Variants in KIF5A observed in about 807,000 individuals in gnomAD.
The protein encoded by KIF5A is kinesin family member 5A.
A neutral mutation model predicts 141.3 loss-of-function variants in KIF5A; 35 were observed. The observed-to-expected ratio is 0.25, with a 90% confidence interval of 0.19 to 0.33. The LOEUF is 0.33. KIF5A is among the 10% of genes least tolerant of loss of function. The probability of loss-of-function intolerance (pLI) is 1.00; values close to 1 mark genes in which losing one functional copy is unlikely to be tolerated. For synonymous variants in KIF5A, 448 were observed against 500.2 expected (o/e 0.90, Z 1.39); for missense variants, 861 against 1,314.3 (o/e 0.66, Z 5.33).
intron 6 of KIF5A, among the ~76,000 whole-genome samples, chr12:57,566,271 T>A (rs759971419): frequency 5.3e-5 from 8 of 151,298 alleles, no homozygotes; most frequent in Non-Finnish European, 1.0e-4. Flanking sequence ...GGCCCACTTA[T>A]TTTTGTATTT....
chr12:57,581,673 A>C, intron 25 of KIF5A, 105 bp downstream of exon 25: 1 of 1,396,266 alleles, frequency 7.2e-7, no homozygotes, highest in Non-Finnish European at 1.0e-6. Context: ...ATTTTCCTAA[A>C]CCCTTTCTCA....
At chr12:57,576,205 C>A (rs987114783) in intron 18 of KIF5A, 54 bp downstream of exon 18, 5 of 1,607,704 alleles carry the variant, frequency 3.1e-6, no homozygotes, top group Non-Finnish European at 4.3e-6. Flanking sequence ...GAAAGCTGTG[C>A]TGGCCCTCAC....
chr12:57,579,242 A>G (rs1399646412), intron 23 of KIF5A, among the ~76,000 whole-genome samples: 1 of 152,076 alleles, frequency 6.6e-6, no homozygotes, highest in Non-Finnish European at 1.5e-5. Flanking sequence ...AGTCCAAAGG[A>G]GTCAGGACAG....
chr12:57,579,218 G>C (rs1882520707), intron 23 of KIF5A, among the ~76,000 whole-genome samples: 1 of 152,060 alleles, frequency 6.6e-6, no homozygotes, highest in South Asian at 2.1e-4. Flanking sequence ...TATGGGCTGG[G>C]GATGCAGAAG....
chr12:57,578,834 C>T (rs1565703637), intron 23 of KIF5A, among the ~76,000 whole-genome samples: 1 of 152,064 alleles, frequency 6.6e-6, no homozygotes, highest in Middle Eastern at 3.2e-3. Context: ...GAAGCCGAGG[C>T]GGGCGGATCA....
intron 24 of KIF5A, 100 bp from the exon 25 acceptor site, chr12:57,581,315 G>T: frequency 6.4e-7 from 1 of 1,561,738 alleles, no homozygotes; most frequent in Non-Finnish European, 8.8e-7. Flanking sequence ...AAGTGATTAT[G>T]TTACAAGCAA....
In KIF5A at chr12:57,581,890, G is replaced by C. The variant is rs1159045681; in HGVS notation, c.2930G>C (p.Ser977Thr). ...TCCAGCTTTGCAAACTCCTGTACCA[G>C]CAGTGGAGCCACATCTTCTGGCGGC... ...SDMYFANSCT[S>T]SGATSSGGPL... Residue 977 changes from serine (S) to threonine (T), a missense_variant, in exon 26 of 29, where the codon AGC (serine) becomes ACC (threonine). Ser to Thr is a moderately conservative substitution (Grantham distance 58). Around this residue, in one of 5 missense-constraint regions of KIF5A, gnomAD observed 482 missense variants for 661.3 expected, o/e 0.73. Transcript: ENST00000455537. The C allele has an allele frequency of 6.2e-7, 1 of 1,614,062 alleles. No individual in the cohort carries two copies. The highest frequency in any genetic ancestry group is 1.7e-5 in the Admixed American group (1 of 60,018).
intron 23 of KIF5A, 47 bp downstream of exon 23, chr12:57,578,389 C>T (rs1456405274): frequency 3.9e-6 from 5 of 1,295,718 alleles, no homozygotes; most frequent in Non-Finnish European, 5.6e-6. Flanking sequence ...GGCCGGGTAG[C>T]TAGCATACCA....
At chr12:57,556,543 A>G (rs1157240732) in intron 1 of KIF5A, among the ~76,000 whole-genome samples, 1 of 151,814 alleles carries the variant, frequency 6.6e-6, no homozygotes, top group Non-Finnish European at 1.5e-5. Context: ...GTTCCTGATG[A>G]AAAGGGGCTA....
At chr12:57,575,511 A>T in intron 16 of KIF5A, 129 bp from the exon 17 acceptor site, 1 of 931,900 alleles carries the variant, frequency 1.1e-6, no homozygotes, top group Non-Finnish European at 1.8e-6. Context: ...AATGGCCCCC[A>T]ACCCTGCACC....
chr12:57,553,306 C>G (rs949591190), intron 1 of KIF5A, among the ~76,000 whole-genome samples: 3 of 152,178 alleles, frequency 2.0e-5, no homozygotes, highest in Non-Finnish European at 2.9e-5. Flanking sequence ...ACACAGCTAC[C>G]TCCCTCAGGT....
chr12:57,575,802 G>A, intron 17 of KIF5A, 45 bp downstream of exon 17: 6 of 1,342,224 alleles, frequency 4.5e-6, no homozygotes, highest in Non-Finnish European at 2.1e-6. Flanking sequence ...GGGCAGAAAA[G>A]TCAGAAACAT....
At chr12:57,579,643 T>A (rs1054401410) in intron 23 of KIF5A, among the ~76,000 whole-genome samples, 5 of 152,196 alleles carry the variant, frequency 3.3e-5, no homozygotes, top group African/African-American at 1.2e-4. Context: ...ATAGAAAAGT[T>A]GAAAGGCAGA....
At chr12:57,565,469 C>A (rs1882036434) in intron 6 of KIF5A, among the ~76,000 whole-genome samples, 1 of 151,642 alleles carries the variant, frequency 6.6e-6, no homozygotes, top group Admixed American at 6.6e-5. Context: ...GGTCATTGGT[C>A]AGTGTGCATG....
At chr12:57,555,548 G>A (rs2140153642) in intron 1 of KIF5A, among the ~76,000 whole-genome samples, 1 of 151,846 alleles carries the variant, frequency 6.6e-6, no homozygotes, top group Admixed American at 6.6e-5. Context: ...CCGAGATCTT[G>A]CCACTGCACT....
In KIF5A at chr12:57,586,570, CT is replaced by C. The variant is rs918851190; in HGVS notation, c.*2390del. ...AAGACAAACCAAACTGCGCAACCCC[CT>C]GTGTGTATTTACTTGGTGTACATAG... On this transcript the variant is annotated 3_prime_UTR_variant, in exon 29 of 29. Transcript: ENST00000455537. 6.6e-6 allele frequency: 1 copy of C among 152,140 alleles called. No individual in the cohort carries two copies. The highest frequency in any genetic ancestry group is 2.4e-5 in the African/African-American group (1 of 41,408). 9.4% of individuals were successfully genotyped at this position (152,140 alleles called of 1,614,324 possible).
At chr12:57,551,505 G>T (rs1211806107) in intron 1 of KIF5A, among the ~76,000 whole-genome samples, 2 of 152,172 alleles carry the variant, frequency 1.3e-5, no homozygotes, top group African/African-American at 2.4e-5. Flanking sequence ...CTCCCCCTGA[G>T]GTTGGTAGGG....
chr12:57,562,642 C>G (rs1258780345), intron 1 of KIF5A, among the ~76,000 whole-genome samples: 1 of 152,162 alleles, frequency 6.6e-6, no homozygotes, highest in African/African-American at 2.4e-5. Context: ...TCAGTGTAGA[C>G]TGAATTTCAT....
intron 1 of KIF5A, among the ~76,000 whole-genome samples, chr12:57,555,908 C>CAAAAAAAAAAA (rs763843453): frequency 1.1e-5 from 1 of 92,256 alleles, no homozygotes; most frequent in Non-Finnish European, 2.2e-5. Flanking sequence ...AACTCTATCT[C>CAAAAAAAAAAA]AAAAAAAAAA....
Sources: gnomAD v4.1 joint callset for allele counts (sites outside exome capture counted in the v4.1 genomes callset) on GRCh38, gnomAD v4.1.1 for gene constraint, gnomAD v4.1.1 regional missense constraint, MANE v1.5 for transcripts, NCBI Gene and HGNC (gene_info 2026-07-23, HGNC 2026-07-21) for gene names.